Variants in NBEA observed in about 807,000 individuals in gnomAD.
NBEA encodes neurobeachin, also known as lysosomal-trafficking regulator 2.
In NBEA, 44 loss-of-function variants were observed where a neutral mutation model predicts 343.4. The observed-to-expected ratio is 0.13, with a 90% CI of 0.10 to 0.16. NBEA has a LOEUF of 0.16. Ranked by LOEUF, NBEA falls within the 10% of genes least tolerant of loss-of-function variation. The probability of loss-of-function intolerance (pLI) is 1.00; values close to 1 mark genes in which losing one functional copy is unlikely to be tolerated. For synonymous variants in NBEA, 1,175 were observed against 1,238.7 expected (o/e 0.95, Z 1.08); for missense variants, 2,555 against 3,631.3 (o/e 0.70, Z 7.62).
chr13:35,640,323 A>G (rs1171144991), intron 49 of NBEA, among the ~76,000 whole-genome samples: 2 of 152,244 alleles, frequency 1.3e-5, no homozygotes, highest in Non-Finnish European at 2.9e-5. Flanking sequence ...GAAAGAAGGC[A>G]TGTGTCACAT....
At chr13:35,329,814 G>T (rs2038808220) in intron 36 of NBEA, among the ~76,000 whole-genome samples, 1 of 5,814 alleles carries the variant, frequency 1.7e-4, no homozygotes, top group Non-Finnish European at 3.7e-4. Flanking sequence ...TATGTAAATT[G>T]TGTCTTAAAA....
intron 41 of NBEA, chr13:35,475,509 G>A: frequency 1.9e-6 from 3 of 1,612,518 alleles, no homozygotes; most frequent in Non-Finnish European, 2.5e-6. Context: ...CCTTGGACAA[G>A]AGATTGAAAC....
chr13:35,400,300 A>G (rs908941469), intron 38 of NBEA, among the ~76,000 whole-genome samples: 21 of 151,148 alleles, frequency 1.4e-4, no homozygotes, highest in African/African-American at 4.6e-4. Flanking sequence ...TGGACTTGGT[A>G]TATGATTTAT....
chr13:35,072,562 G>GTTTA (rs747884623), intron 10 of NBEA, among the ~76,000 whole-genome samples: 1 of 150,714 alleles, frequency 6.6e-6, no homozygotes, highest in African/African-American at 2.5e-5. Flanking sequence ...TTGTTTGTTT[G>GTTTA]TTTATTTATT....
chr13:35,205,955 G>A (rs117197504), intron 31 of NBEA, among the ~76,000 whole-genome samples: 2,279 of 152,120 alleles, frequency 0.015, 29 homozygotes, highest in South Asian at 0.031. Context: ...CCAATACCAC[G>A]TAGTAACTGC....
At chr13:35,303,277 T>C (rs189125462) in intron 35 of NBEA, among the ~76,000 whole-genome samples, 1 of 152,244 alleles carries the variant, frequency 6.6e-6, no homozygotes, top group African/African-American at 2.4e-5. Context: ...GTAGTATTAT[T>C]TTAAGAGGTC....
At chr13:35,108,777 C>T (rs868016260) in intron 11 of NBEA, among the ~76,000 whole-genome samples, 79 of 151,870 alleles carry the variant, frequency 5.2e-4, no homozygotes, top group African/African-American at 1.7e-3. Context: ...ATTCTTGAAG[C>T]GAGTGTTCAG....
In NBEA at chr13:35,164,446, A is replaced by G; in HGVS notation, c.4170A>G (p.Val1390=). The G allele has an allele frequency of 1.2e-6, 2 of 1,609,712 alleles. No homozygotes were observed. The highest frequency in any genetic ancestry group is 8.5e-7 in the Non-Finnish European group (1 of 1,177,658). ...HNTIHLISQM[V]DNIIIACGGI... The stretch of plus-strand genomic sequence containing the variant: ...CAATTCACCTCATTTCCCAAATGGT[A>G]GACAACATCATCATTGCTTGTGGAG... Residue 1390 remains valine (V), a synonymous_variant, in exon 24 of 59, where the codon GTA becomes GTG. Coordinates refer to ENST00000379939, the MANE Select transcript of NBEA (RefSeq NM_001385012.1).
At chr13:35,289,964 C>T (rs913876625) in intron 34 of NBEA, among the ~76,000 whole-genome samples, 7 of 151,842 alleles carry the variant, frequency 4.6e-5, no homozygotes, top group African/African-American at 1.7e-4. Context: ...AAAATTTAGG[C>T]AGAACTTCAG....
intron 39 of NBEA, among the ~76,000 whole-genome samples, chr13:35,446,205 C>A (rs901930781): frequency 6.6e-6 from 1 of 152,118 alleles, no homozygotes; most frequent in Non-Finnish European, 1.5e-5. Context: ...TTTTCTTAAT[C>A]CAGTCTATCA....
At chr13:35,649,892 C>A (rs373476268) in intron 52 of NBEA, 45 bp downstream of exon 52, 2 of 1,540,492 alleles carry the variant, frequency 1.3e-6, no homozygotes, top group African/African-American at 3.2e-5. Context: ...TTCTTAAAAG[C>A]TACAATTAAA....
At chr13:35,400,133 G>T (rs1443533551) in intron 38 of NBEA, among the ~76,000 whole-genome samples, 2 of 144,246 alleles carry the variant, frequency 1.4e-5, no homozygotes, top group African/African-American at 5.1e-5. Flanking sequence ...GTGAGCATAT[G>T]CTGTTGGGAC....
chr13:35,282,079 A>AT (rs1363106820), intron 34 of NBEA, among the ~76,000 whole-genome samples: 2,593 of 144,286 alleles, frequency 0.018, 74 homozygotes, highest in African/African-American at 0.061. Flanking sequence ...CGCCCGGCTA[A>AT]TTTTTTTTTT....
chr13:35,458,945 G>A (rs1468971706), intron 40 of NBEA, among the ~76,000 whole-genome samples: 1 of 148,346 alleles, frequency 6.7e-6, no homozygotes, highest in Non-Finnish European at 1.5e-5. Flanking sequence ...TCAAATGTAA[G>A]TGTTGGATTT....
chr13:35,287,363 G>A (rs373353662), intron 34 of NBEA, among the ~76,000 whole-genome samples: 72 of 152,074 alleles, frequency 4.7e-4, no homozygotes, highest in African/African-American at 1.5e-3. Flanking sequence ...TGATAGAATA[G>A]GAATGCTATA....
At chr13:34,978,594 C>T (rs909794502) in intron 1 of NBEA, among the ~76,000 whole-genome samples, 1 of 152,154 alleles carries the variant, frequency 6.6e-6, no homozygotes, top group Admixed American at 6.5e-5. Context: ...CAGAGAGTTC[C>T]TCGTACTCCT....
intron 41 of NBEA, among the ~76,000 whole-genome samples, chr13:35,481,641 T>C (rs958436922): frequency 6.6e-6 from 1 of 151,882 alleles, no homozygotes; most frequent in African/African-American, 2.4e-5. Context: ...AGAAAGTTAC[T>C]ATTATCTTTC....
At chr13:35,147,937 G>T (rs1184324419) in intron 18 of NBEA, among the ~76,000 whole-genome samples, 2 of 152,086 alleles carry the variant, frequency 1.3e-5, no homozygotes, top group African/African-American at 2.4e-5. Context: ...AAAATTTAGG[G>T]TCCTGTTCTT....
intron 35 of NBEA, among the ~76,000 whole-genome samples, chr13:35,299,966 C>T (rs1488459514): frequency 1.3e-5 from 2 of 152,152 alleles, no homozygotes; most frequent in Non-Finnish European, 2.9e-5. Context: ...AAGTTGTCTT[C>T]CATGTCCACC....
Sources: gnomAD v4.1 joint callset for allele counts (sites outside exome capture counted in the v4.1 genomes callset) on GRCh38, gnomAD v4.1.1 for gene constraint, MANE v1.5 for transcripts, NCBI Gene and HGNC (gene_info 2026-07-23, HGNC 2026-07-21) for gene names.